VPS8: variants seen among roughly 807,000 people sequenced by gnomAD.
VPS8 encodes the protein VPS8 subunit of CORVET complex.
A neutral mutation model predicts 216.4 loss-of-function variants in VPS8; 129 were observed. That is an observed-to-expected ratio of 0.60 (90% CI 0.52 to 0.69). The LOEUF (loss-of-function observed/expected upper bound fraction) is 0.69, where lower values mean the gene tolerates loss of function less well. Among genes scored for constraint, VPS8 ranks in the 30% least tolerant of loss-of-function variants. VPS8 has a pLI of 0.00. For missense variants in VPS8, 1,531 were observed against 1,683.5 expected (o/e 0.91, Z 1.59); for synonymous variants, 571 against 565.4 (o/e 1.01, Z -0.14).
intron 2 of VPS8, 122 bp downstream of exon 2, chr3:184,824,907 T>TA: frequency 2.2e-6 from 1 of 463,854 alleles, no homozygotes; most frequent in South Asian, 4.8e-5. Context: ...TGTGTATAAT[T>TA]TTTTTTTTTT....
In VPS8 at chr3:184,894,875, G is replaced by A. The variant is rs745756004; in HGVS notation, c.1954G>A (p.Val652Met). 2.5e-6 allele frequency: 4 copies of A among 1,609,420 alleles called. No homozygotes were observed. Among genetic ancestry groups the A allele is most frequent in the East Asian group, 2.2e-5 (1 of 44,778 alleles). The change falls in exon 23 of 48, where the codon GTG (valine) becomes ATG (methionine). Residue 652 changes from valine to methionine, a missense_variant. Around this residue, in one of 3 missense-constraint regions of VPS8, gnomAD observed 1,318 missense variants for 1,468.4 expected, o/e 0.90. Coordinates refer to ENST00000625842, the MANE Select transcript of VPS8 (RefSeq NM_001009921.3). ...HFQDKKLMENVEALIVHMDIT... is the reference protein window; with the variant it reads ...HFQDKKLMENMEALIVHMDIT... ...CCAAGATAAAAAATTAATGGAAAAT[G>A]TGGAAGCGCTCATTGTACATATGGA...
At chr3:184,836,351 C>T (rs1457234389) in intron 5 of VPS8, 1 of 455,946 alleles carries the variant, frequency 2.2e-6, no homozygotes, top group Non-Finnish European at 4.4e-6. Flanking sequence ...AAATTCATTC[C>T]TTTCAAAATC....
At chr3:184,871,181 T>G (rs1036055042) in intron 21 of VPS8, among the ~76,000 whole-genome samples, 7 of 150,512 alleles carry the variant, frequency 4.7e-5, no homozygotes, top group African/African-American at 1.7e-4. Flanking sequence ...CACCTATGAC[T>G]TAAGAATAAT....
chr3:185,012,008 A>C (rs113619901), intron 45 of VPS8, among the ~76,000 whole-genome samples: 2,152 of 152,246 alleles, frequency 0.014, 51 homozygotes, highest in African/African-American at 0.048. Flanking sequence ...GAGCTAAAAA[A>C]CATATCTAAA....
chr3:184,920,081 AT>A (rs1738344336), intron 28 of VPS8, 45 bp from the exon 29 acceptor site: 3 of 1,255,130 alleles, frequency 2.4e-6, no homozygotes, highest in Non-Finnish European at 3.3e-6. Flanking sequence ...TTTCTTCTAC[AT>A]GTGCAAATAA....
At chr3:185,022,705 C>G (rs114517490) in intron 45 of VPS8, among the ~76,000 whole-genome samples, 1,727 of 152,266 alleles carry the variant, frequency 0.011, 39 homozygotes, top group African/African-American at 0.04. Context: ...TGATCAAGCT[C>G]CATAGCAGAT....
At chr3:185,034,464 C>T (rs1484114447) in intron 46 of VPS8, among the ~76,000 whole-genome samples, 1 of 152,080 alleles carries the variant, frequency 6.6e-6, no homozygotes, top group Non-Finnish European at 1.5e-5. Flanking sequence ...TGTTCATGAC[C>T]TTTGCTCATT....
intron 34 of VPS8, among the ~76,000 whole-genome samples, chr3:184,933,573 T>C (rs993549204): frequency 1.3e-5 from 2 of 151,738 alleles, no homozygotes; most frequent in African/African-American, 4.8e-5. Flanking sequence ...AATAATCATT[T>C]CCCCCCCTCT....
intron 28 of VPS8, 104 bp from the exon 29 acceptor site, chr3:184,920,023 T>C (rs1294340179): frequency 2.4e-6 from 2 of 831,098 alleles, no homozygotes; most frequent in Admixed American, 3.1e-5. Context: ...ATAGTTATCT[T>C]ATTTGAGAAA....
chr3:184,969,425 C>A (rs1389515017), intron 39 of VPS8, among the ~76,000 whole-genome samples: 3 of 102,506 alleles, frequency 2.9e-5, no homozygotes, highest in East Asian at 3.2e-4. Flanking sequence ...CCCACCCCCC[C>A]CCCTTTTTTT....
Position 184,949,509 on chromosome 3 carries a change from A to G in VPS8, c.3036-7865A>G, listed in dbSNP as rs182356070. Among the ~76,000 whole-genome samples the G allele has an allele frequency of 1.6e-3, 237 of 151,400 alleles. 1 individual carries two copies. The highest frequency in any genetic ancestry group is 0.01 in the Middle Eastern group (3 of 294). ...TTTATGAGGGATTGTGGCTGTTCCT[A>G]TATGCGGAAATACTGTTAGCTATGT... On this transcript the variant is annotated intron_variant, in intron 36 of 47. Coordinates refer to ENST00000625842, the MANE Select transcript of VPS8 (RefSeq NM_001009921.3).
chr3:185,013,394 AAC>A (rs1227866757), intron 45 of VPS8, among the ~76,000 whole-genome samples: 1 of 152,246 alleles, frequency 6.6e-6, no homozygotes, highest in Non-Finnish European at 1.5e-5. Flanking sequence ...ATACAAAGAC[AAC>A]ACAGATTAAA....
chr3:184,894,685 C>G lies in VPS8; in HGVS notation c.1782-18C>G, dbSNP rs1200385101. 8.3e-6 allele frequency: 13 copies of G among 1,559,156 alleles called. No individual in the cohort carries two copies. Among genetic ancestry groups the G allele is most frequent in the Non-Finnish European group, 1.1e-5 (13 of 1,148,446 alleles). On this transcript the variant is annotated intron_variant, in intron 22 of 47. Coordinates refer to ENST00000625842, the MANE Select transcript of VPS8 (RefSeq NM_001009921.3). ...TGGCATGTTCCTAAAAGTTTTTCTCCCCCCCTTTCTGTTACAGGGATCTTT... is the reference window on the plus strand; with the variant it reads ...TGGCATGTTCCTAAAAGTTTTTCTCGCCCCCTTTCTGTTACAGGGATCTTT...
At chr3:184,842,209 A>AAAAAAAAAAAAG (rs1553828675) in intron 7 of VPS8, among the ~76,000 whole-genome samples, 1 of 149,376 alleles carries the variant, frequency 6.7e-6, no homozygotes, top group African/African-American at 2.4e-5. Context: ...AAAAAAAAAA[A>AAAAAAAAAAAAG]GAATATGTGA....
chr3:184,897,494 A>G lies in VPS8; in HGVS notation c.2005-1071A>G, dbSNP rs941522569. On this transcript the variant is annotated intron_variant, in intron 23 of 47. Coordinates refer to ENST00000625842, the MANE Select transcript of VPS8 (RefSeq NM_001009921.3). The stretch of plus-strand genomic sequence containing the variant: ...TTGGCCATTTTATTTTGAGATCACT[A>G]CTGGACATTCAGGCGAAGATGTCGA... 3.9e-5 allele frequency among the ~76,000 whole-genome samples: 6 copies of G among 152,150 alleles called. 1 individual carries two copies. Among genetic ancestry groups the G allele is most frequent in the Non-Finnish European group, 8.8e-5 (6 of 68,030 alleles).
At chr3:185,048,359 C>G in intron 46 of VPS8, 120 bp from the exon 47 acceptor site, 1 of 933,146 alleles carries the variant, frequency 1.1e-6, no homozygotes, top group Non-Finnish European at 1.7e-6. Flanking sequence ...TAGCTGGTAG[C>G]ATGGATTGTT....
At chr3:184,851,230 A>G (rs1724185197) in intron 10 of VPS8, among the ~76,000 whole-genome samples, 1 of 152,230 alleles carries the variant, frequency 6.6e-6, no homozygotes, top group Non-Finnish European at 1.5e-5. Context: ...GAGAAAAGAG[A>G]AGAATGCAGT....
intron 39 of VPS8, among the ~76,000 whole-genome samples, chr3:184,968,826 C>T (rs1747851837): frequency 6.6e-6 from 1 of 152,168 alleles, no homozygotes; most frequent in South Asian, 2.1e-4. Flanking sequence ...TTCTTAGAGA[C>T]TCCTTGGTCC....
chr3:185,004,105 G>T (rs1753862788), intron 45 of VPS8, among the ~76,000 whole-genome samples: 1 of 152,214 alleles, frequency 6.6e-6, no homozygotes, highest in African/African-American at 2.4e-5. Context: ...TGCAATCTCG[G>T]CACCCCGGGA....
Sources: allele counts gnomAD v4.1 joint callset (sites outside exome capture counted in the v4.1 genomes callset), GRCh38; gene constraint gnomAD v4.1.1; regional missense constraint gnomAD v4.1.1; transcripts MANE v1.5; gene names NCBI Gene and HGNC (gene_info 2026-07-23, HGNC 2026-07-21).